The following CAST variants were observed in gnomAD, a reference collection of about 807,000 sequenced individuals.
CAST encodes calpastatin.
Under a neutral mutation model 119.6 loss-of-function variants are expected in CAST, and 76 were observed. The ratio of observed to expected loss-of-function variants is 0.64; its 90% confidence interval spans 0.53 to 0.77. CAST has a LOEUF of 0.77. CAST is among the 30% of genes least tolerant of loss of function. The probability of loss-of-function intolerance (pLI) is 0.00; values close to 1 mark genes in which losing one functional copy is unlikely to be tolerated. For synonymous variants in CAST, 319 were observed against 331.6 expected (o/e 0.96, Z 0.41); for missense variants, 953 against 946.5 (o/e 1.01, Z -0.09).
chr5:96,418,375 C>T, the CAST span, among the ~76,000 whole-genome samples: 1 of 152,142 alleles, frequency 6.6e-6, no homozygotes, highest in Admixed American at 6.5e-5. Context: ...AAATACTACC[C>T]TTATTCTGGT....
the CAST span, among the ~76,000 whole-genome samples, chr5:96,072,295 G>A: frequency 6.6e-6 from 1 of 152,118 alleles, no homozygotes; most frequent in Non-Finnish European, 1.5e-5. Flanking sequence ...GGTAGGACTT[G>A]AAAGAACAAT....
At chr5:96,645,358 G>T (rs1394964547) in intron 1 of CAST, among the ~76,000 whole-genome samples, 2 of 151,990 alleles carry the variant, frequency 1.3e-5, no homozygotes, top group Admixed American at 6.6e-5. Context: ...CGGTTAAGGT[G>T]GTGTCTTTCA....
chr5:96,048,109 T>TATGTTCTAAGTGCTTGGAATGCACTTA, the CAST span, among the ~76,000 whole-genome samples: 1 of 152,198 alleles, frequency 6.6e-6, no homozygotes, highest in Non-Finnish European at 1.5e-5. Context: ...GCACTTAATA[T>TATGTTCTAAGTGCTTGGAATGCACTTA]TGTTCTAAGT....
chr5:96,086,035 A>C, the CAST span, among the ~76,000 whole-genome samples: 2 of 152,210 alleles, frequency 1.3e-5, no homozygotes, highest in African/African-American at 4.8e-5. Flanking sequence ...TCAAGTCTCT[A>C]ATACAAAACA....
the CAST span, among the ~76,000 whole-genome samples, chr5:96,059,499 A>C: frequency 6.6e-6 from 1 of 152,152 alleles, no homozygotes; most frequent in African/African-American, 2.4e-5. Context: ...TCAGGTAACT[A>C]TCCTGGGAAA....
At chr5:96,140,424 G>A in the CAST span, among the ~76,000 whole-genome samples, 2 of 152,188 alleles carry the variant, frequency 1.3e-5, no homozygotes, top group Non-Finnish European at 2.9e-5. Context: ...AGAATCTTGT[G>A]AGAACAGAAT....
the CAST span, among the ~76,000 whole-genome samples, chr5:96,415,864 ATATC>A: frequency 6.6e-6 from 1 of 152,086 alleles, no homozygotes; most frequent in African/African-American, 2.4e-5. Context: ...CTAGGAATCC[ATATC>A]TATTGACTCG....
chr5:96,085,979 A>G, the CAST span, among the ~76,000 whole-genome samples: 3 of 90,180 alleles, frequency 3.3e-5, no homozygotes, highest in Middle Eastern at 6.2e-3. Flanking sequence ...TCTGCAAGGG[A>G]TTGCTTCCAG....
At chr5:96,411,734 C>T in the CAST span, among the ~76,000 whole-genome samples, 1 of 152,184 alleles carries the variant, frequency 6.6e-6, no homozygotes, top group South Asian at 2.1e-4. Flanking sequence ...TGTCCAGAAG[C>T]ACTTTTAAAA....
intron 1 of CAST, among the ~76,000 whole-genome samples, chr5:96,665,113 C>G (rs987595553): frequency 6.6e-6 from 1 of 152,152 alleles, no homozygotes; most frequent in Non-Finnish European, 1.5e-5. Flanking sequence ...ACCATGAAAA[C>G]TTTTTGCTAG....
At chr5:96,206,074 T>C in the CAST span, among the ~76,000 whole-genome samples, 1 of 152,052 alleles carries the variant, frequency 6.6e-6, no homozygotes, top group African/African-American at 2.4e-5. Context: ...ATTAGGGATG[T>C]TGAGAATTTT....
the CAST span, among the ~76,000 whole-genome samples, chr5:96,240,289 G>A: frequency 5.3e-5 from 8 of 152,044 alleles, no homozygotes; most frequent in Non-Finnish European, 1.0e-4. Flanking sequence ...CATACTGTCA[G>A]TTCACAGATC....
chr5:96,204,354 A>G, the CAST span, among the ~76,000 whole-genome samples: 1 of 152,054 alleles, frequency 6.6e-6, no homozygotes, highest in Non-Finnish European at 1.5e-5. Context: ...TCTCTGTTGT[A>G]ATGACCTTTG....
chr5:96,509,267 G>A, the CAST span, among the ~76,000 whole-genome samples: 1 of 152,232 alleles, frequency 6.6e-6, no homozygotes. Context: ...TGCAACCGGT[G>A]AAGTGACTGA....
At chr5:96,104,562 T>A in the CAST span, among the ~76,000 whole-genome samples, 3 of 152,100 alleles carry the variant, frequency 2.0e-5, no homozygotes, top group African/African-American at 7.2e-5. Context: ...CGGCGTTATT[T>A]CTGAGGGCTC....
chr5:96,233,666 C>T, the CAST span, among the ~76,000 whole-genome samples: 4 of 152,042 alleles, frequency 2.6e-5, no homozygotes, highest in African/African-American at 4.8e-5. Flanking sequence ...ATTACTTTCT[C>T]CTAGTTACTT....
intron 1 of CAST, among the ~76,000 whole-genome samples, chr5:96,560,695 G>C (rs1475250836): frequency 6.6e-6 from 1 of 151,924 alleles, no homozygotes; most frequent in East Asian, 1.9e-4. Context: ...TAAAAAGTCA[G>C]GAAACAACAG....
intron 3 of CAST, among the ~76,000 whole-genome samples, chr5:96,706,424 G>T (rs751158214): frequency 3.3e-5 from 5 of 152,204 alleles, no homozygotes; most frequent in Non-Finnish European, 7.3e-5. Flanking sequence ...AAATGGCAGT[G>T]CTGTCACGAT....
intron 9 of CAST, among the ~76,000 whole-genome samples, chr5:96,734,624 G>C (rs1411047234): frequency 6.6e-6 from 1 of 152,146 alleles, no homozygotes; most frequent in Non-Finnish European, 1.5e-5. Context: ...TAGCCACACG[G>C]TAAGGGAAAG....
Sources: allele counts gnomAD v4.1 joint callset (sites outside exome capture counted in the v4.1 genomes callset), GRCh38; gene constraint gnomAD v4.1.1; transcripts MANE v1.5; gene names NCBI Gene and HGNC (gene_info 2026-07-23, HGNC 2026-07-21).